The following F13A1 variants were observed in gnomAD, a reference collection of about 807,000 sequenced individuals.
F13A1 encodes coagulation factor XIII A chain.
F13A1 carries 47 observed loss-of-function variants against 80.1 expected under a neutral mutation model. That is an observed-to-expected ratio of 0.59 (90% CI 0.46 to 0.75). F13A1 has a LOEUF of 0.75. F13A1 is among the 30% of genes least tolerant of loss of function. The pLI, the probability that F13A1 is intolerant of heterozygous loss-of-function variation, is 0.00. For synonymous variants in F13A1, 349 were observed against 344.9 expected, an observed-to-expected ratio of 1.01 and a Z score of -0.13; for missense variants, 817 against 930.4, an observed-to-expected ratio of 0.88 and a Z score of 1.59.
At chr6:6,299,036 G>C (rs1343756169) in intron 3 of F13A1, among the ~76,000 whole-genome samples, 1 of 147,406 alleles carries the variant, frequency 6.8e-6, no homozygotes, top group African/African-American at 2.7e-5. Flanking sequence ...ATGAAATTCG[G>C]GGTTGAAAAT....
At chr6:6,234,298 C>T (rs1757388496) in intron 6 of F13A1, among the ~76,000 whole-genome samples, 1 of 152,074 alleles carries the variant, frequency 6.6e-6, no homozygotes, top group Non-Finnish European at 1.5e-5. Context: ...CTCTTCTCTA[C>T]ATCAACAGTG....
At chr6:6,306,528 C>T (rs1008714838) in intron 2 of F13A1, among the ~76,000 whole-genome samples, 1 of 152,214 alleles carries the variant, frequency 6.6e-6, no homozygotes, top group Non-Finnish European at 1.5e-5. Context: ...GCCCTTTTCC[C>T]CTTCCCCTCT....
chr6:6,174,095 G>A (rs1760829462), intron 12 of F13A1, among the ~76,000 whole-genome samples: 1 of 152,184 alleles, frequency 6.6e-6, no homozygotes, highest in Non-Finnish European at 1.5e-5. Flanking sequence ...GAGGATGAAA[G>A]TGGAGGCTTT....
chr6:6,148,989 C>T (rs1481732839), intron 14 of F13A1, among the ~76,000 whole-genome samples: 1 of 109,536 alleles, frequency 9.1e-6, no homozygotes, highest in South Asian at 2.9e-4. Flanking sequence ...CACATGTAGA[C>T]ACTAAAAAAA....
intron 3 of F13A1, among the ~76,000 whole-genome samples, chr6:6,291,545 G>A (rs1264856608): frequency 6.6e-6 from 1 of 152,050 alleles, no homozygotes; most frequent in Non-Finnish European, 1.5e-5. Flanking sequence ...TTCAACCAGT[G>A]TCCCCCAACT....
At chr6:6,297,422 A>T (rs572212313) in intron 3 of F13A1, among the ~76,000 whole-genome samples, 13 of 150,946 alleles carry the variant, frequency 8.6e-5, no homozygotes, top group African/African-American at 3.2e-4. Flanking sequence ...CCACAATTTC[A>T]GATCCTGTTA....
chr6:6,300,508 G>C (rs1338524363), intron 3 of F13A1, among the ~76,000 whole-genome samples: 3 of 151,994 alleles, frequency 2.0e-5, no homozygotes, highest in Non-Finnish European at 4.4e-5. Flanking sequence ...CCATTTTCCA[G>C]GTGCCGTCCG....
Position 6,305,373 on chromosome 6 carries a change from GA to G in F13A1, c.296del (p.Leu99ProfsTer24). On this transcript the variant is annotated frameshift_variant, in exon 3 of 15. Transcript: ENST00000264870. LOFTEE classifies it high-confidence loss of function. ...FSRPYDPRRDLFRVEYVIGRY... is the reference protein window; with the variant it reads ...FSRPYDPRRDXFRVEYVIGRY... ...CACCAATGACGTATTCCACCCTGAA[GA>G]GATCCCTTCTGGGGTCATATGGACG... 1 of 1,614,184 alleles carries G rather than the reference GA, an allele frequency of 6.2e-7. No individual in the cohort carries two copies. Among genetic ancestry groups the G allele is most frequent in the South Asian group, 1.1e-5 (1 of 91,084 alleles).
intron 8 of F13A1, among the ~76,000 whole-genome samples, chr6:6,203,672 C>T (rs1253762819): frequency 1.3e-5 from 2 of 152,212 alleles, no homozygotes; most frequent in Admixed American, 1.3e-4. Flanking sequence ...CAGAGAGACC[C>T]AGTCAACCAG....
chr6:6,309,796 G>C (rs1424077169), intron 2 of F13A1, among the ~76,000 whole-genome samples: 1 of 152,092 alleles, frequency 6.6e-6, no homozygotes, highest in African/African-American at 2.4e-5. Flanking sequence ...CTGGGTGAGG[G>C]GCCACGTGAG....
rs1304630056 is a variant in F13A1, at chr6:6,243,448, A to G, written c.798+4864T>C. 6.6e-6 allele frequency among the ~76,000 whole-genome samples: 1 copy of G among 152,168 alleles called. No individual in the cohort carries two copies. Among genetic ancestry groups the G allele is most frequent in the East Asian group, 1.9e-4 (1 of 5,204 alleles). ...CTCATTCTCCAGGGCCCCAGTGCCTATGGCTATTTAGAATCCTCTGATTGA... is the reference window on the plus strand; with the variant it reads ...CTCATTCTCCAGGGCCCCAGTGCCTGTGGCTATTTAGAATCCTCTGATTGA... On this transcript the variant is annotated intron_variant, in intron 6 of 14. Transcript: ENST00000264870. This position sits in a 1 kb window ranked among gnomAD's most constrained non-coding sequence, Gnocchi z 4.2.
chr6:6,159,354 A>G (rs2151070529), intron 13 of F13A1, among the ~76,000 whole-genome samples: 1 of 152,218 alleles, frequency 6.6e-6, no homozygotes, highest in South Asian at 2.1e-4. Flanking sequence ...AGAGGATTCT[A>G]CTGTTAACCT....
At chr6:6,258,541 C>G (rs1253035939) in intron 4 of F13A1, among the ~76,000 whole-genome samples, 1 of 152,112 alleles carries the variant, frequency 6.6e-6, no homozygotes, top group South Asian at 2.1e-4. Context: ...CATGCTCTTT[C>G]TAGAAACACC....
chr6:6,199,616 C>A (rs1028859684), intron 8 of F13A1, among the ~76,000 whole-genome samples: 5 of 152,142 alleles, frequency 3.3e-5, no homozygotes, highest in African/African-American at 1.2e-4. Context: ...GCTCTGAAAT[C>A]CACACTCTTC....
intron 13 of F13A1, among the ~76,000 whole-genome samples, chr6:6,154,129 T>G (rs1476186191): frequency 3.9e-5 from 5 of 128,768 alleles, no homozygotes; most frequent in Non-Finnish European, 6.5e-5. Flanking sequence ...CCAAAACTGT[T>G]TCGTACTGAC....
intron 10 of F13A1, among the ~76,000 whole-genome samples, chr6:6,186,362 C>T (rs1453671285): frequency 2.6e-5 from 4 of 152,214 alleles, no homozygotes; most frequent in African/African-American, 4.8e-5. Context: ...TAAGGTCTAA[C>T]GTTTAAGTCT....
rs527495871 is a variant in F13A1 at position 6,251,041 on chromosome 6, T to TA, written c.572-113_572-112insT. 496 of 846,774 alleles carry TA rather than the reference T, an allele frequency of 5.9e-4. 2 individuals carry two copies. The African/African-American group carries it at 7.3e-3, about 12-fold the overall frequency. The allele number at this position is 846,774 out of a possible 1,614,324, so 52.5% of individuals were successfully genotyped here. ...AAACTACATTTAATCAGCCAAATTT[T>TA]TAAAAAATGCCCTTTGTTTCACCAA... On this transcript the variant is annotated intron_variant, in intron 4 of 14. Transcript: ENST00000264870.
chr6:6,206,560 G>C (rs1274176440), intron 8 of F13A1: 1 of 502,016 alleles, frequency 2.0e-6, no homozygotes, highest in Admixed American at 2.1e-5. Context: ...GAGGGCTTCA[G>C]GCGCTCTTTG....
chr6:6,298,076 C>T (rs1461856249), intron 3 of F13A1, among the ~76,000 whole-genome samples: 1 of 150,424 alleles, frequency 6.6e-6, no homozygotes, highest in Non-Finnish European at 1.5e-5. Flanking sequence ...GATTCTTAAT[C>T]CTGAGTTCTA....
Sources: gnomAD v4.1 joint callset for allele counts (sites outside exome capture counted in the v4.1 genomes callset) on GRCh38, gnomAD v4.1.1 for gene constraint, Gnocchi (gnomAD v3.1) non-coding constraint, MANE v1.5 for transcripts, NCBI Gene and HGNC (gene_info 2026-07-23, HGNC 2026-07-21) for gene names.